Variants in WWC1 observed in about 807,000 individuals in gnomAD.
The protein encoded by WWC1 is WW and C2 domain containing 1, also known as protein KIBRA.
WWC1 carries 55 observed loss-of-function variants against 138.4 expected under a neutral mutation model. The ratio of observed to expected loss-of-function variants is 0.40; its 90% CI spans 0.32 to 0.50. The LOEUF (loss-of-function observed/expected upper bound fraction) is 0.50, where lower values mean the gene tolerates loss of function less well. Ranked by LOEUF, WWC1 falls within the 20% of genes least tolerant of loss-of-function variation. The probability of loss-of-function intolerance (pLI) is 0.72; values close to 1 mark genes in which losing one functional copy is unlikely to be tolerated. For synonymous variants in WWC1, 524 were observed against 564.9 expected, an observed-to-expected ratio of 0.93 and a Z score of 1.03; for missense variants, 1,226 against 1,420.4, an observed-to-expected ratio of 0.86 and a Z score of 2.20.
intron 15 of WWC1, among the ~76,000 whole-genome samples, chr5:168,434,715 GT>G (rs2152863856): frequency 6.6e-6 from 1 of 152,288 alleles, no homozygotes; most frequent in East Asian, 1.9e-4. Flanking sequence ...CAGATTACAG[GT>G]TTGGAGGAAT....
At chr5:168,462,954 C>T (rs752644582) in intron 20 of WWC1, among the ~76,000 whole-genome samples, 1 of 152,202 alleles carries the variant, frequency 6.6e-6, no homozygotes, top group Non-Finnish European at 1.5e-5. Context: ...CAGAGCAGAC[C>T]ATGTTCAACC....
At position 168,457,055 on chromosome 5, in the gene WWC1, T is replaced by G. The variant is rs999706891; in HGVS notation, c.2823+1535T>G. On this transcript the variant is annotated intron_variant, in intron 19 of 22. Transcript: ENST00000265293. Reference sequence around the variant, plus strand: ...CTATGCTTCCACTTCCCATATTTTATTATTTATACCGTTTCTAAGCCTGCA... The same window carrying G: ...CTATGCTTCCACTTCCCATATTTTAGTATTTATACCGTTTCTAAGCCTGCA... Among the ~76,000 whole-genome samples, 4 of 152,056 alleles carry G rather than the reference T, an allele frequency of 2.6e-5. No homozygotes were observed. In the East Asian group the frequency reaches 7.7e-4, roughly 29 times the overall value.
intron 15 of WWC1, 21 bp downstream of exon 15, chr5:168,431,465 G>GCTGT: frequency 3.2e-6 from 1 of 308,734 alleles, no homozygotes; most frequent in Non-Finnish European, 4.0e-6. Flanking sequence ...TGTCTGGCTG[G>GCTGT]CTGGCTGGCT....
intron 1 of WWC1, among the ~76,000 whole-genome samples, chr5:168,306,194 C>T (rs1392610830): frequency 4.6e-5 from 7 of 152,022 alleles, no homozygotes; most frequent in Non-Finnish European, 1.0e-4. Context: ...GTCAGGAGTT[C>T]GAGACCAGCC....
rs117990517 is a variant in WWC1, at chr5:168,327,569, C to T, written c.119+35298C>T. ...CTTGGATCAAATTTAGAACCAGCACCGGGGTGTTCCTCTGAGTGAGATTGT... is the reference window on the plus strand; with the variant it reads ...CTTGGATCAAATTTAGAACCAGCACTGGGGTGTTCCTCTGAGTGAGATTGT... On this transcript the variant is annotated intron_variant, in intron 1 of 22. Coordinates refer to ENST00000265293, the MANE Select transcript of WWC1 (RefSeq NM_015238.3). Among the ~76,000 whole-genome samples, 48 of 152,320 alleles carry T rather than the reference C, an allele frequency of 3.2e-4. No individual in the cohort carries two copies. In the East Asian group the frequency reaches 5.6e-3, roughly 18 times the overall value.
intron 17 of WWC1, among the ~76,000 whole-genome samples, chr5:168,452,734 T>A (rs1360701436): frequency 6.6e-6 from 1 of 151,874 alleles, no homozygotes; most frequent in Non-Finnish European, 1.5e-5. Context: ...AATCCAAATG[T>A]TCATCAACTA....
At chr5:168,315,175 CT>C (rs35333193) in intron 1 of WWC1, among the ~76,000 whole-genome samples, 58,048 of 146,878 alleles carry the variant, frequency 0.4, 11,484 homozygotes, top group East Asian at 0.47. Context: ...CCACAAATAA[CT>C]TTTTTTTTTT....
At chr5:168,399,639 C>G in intron 5 of WWC1, 72 bp downstream of exon 5, 2 of 1,432,460 alleles carry the variant, frequency 1.4e-6, no homozygotes, top group South Asian at 2.4e-5. Context: ...CTCTCTGTCT[C>G]TCTCTCCTTC....
chr5:168,433,881 C>T (rs886654790), intron 15 of WWC1, among the ~76,000 whole-genome samples: 1 of 152,204 alleles, frequency 6.6e-6, no homozygotes, highest in Non-Finnish European at 1.5e-5. Context: ...AAATAGGTAG[C>T]GTATTCCAGT....
intron 5 of WWC1, among the ~76,000 whole-genome samples, chr5:168,403,634 C>G (rs888995592): frequency 6.6e-6 from 1 of 152,130 alleles, no homozygotes; most frequent in African/African-American, 2.4e-5. Flanking sequence ...CTTGCCAGCT[C>G]CCTTGCAAAT....
At chr5:168,448,616 A>ATTTTTTTTTTTT (rs756135846) in intron 17 of WWC1, among the ~76,000 whole-genome samples, 1 of 117,616 alleles carries the variant, frequency 8.5e-6, no homozygotes. Context: ...CTCAAATAAG[A>ATTTTTTTTTTTT]TTTTTTTTTT....
chr5:168,434,689 C>T (rs1431737598), intron 15 of WWC1, among the ~76,000 whole-genome samples: 1 of 152,178 alleles, frequency 6.6e-6, no homozygotes, highest in African/African-American at 2.4e-5. Context: ...ATGAGTGTCT[C>T]TCATGTCCCC....
rs1769145374 is a variant in WWC1 at position 168,292,507 on chromosome 5, C to G, written c.119+236C>G. Reference sequence around the variant, plus strand: ...GGCCCAGGCTGCCCCACCGCCATCCCCAGTTGGAGGACTTAGGCCCCAGCC... The same window carrying G: ...GGCCCAGGCTGCCCCACCGCCATCCGCAGTTGGAGGACTTAGGCCCCAGCC... On this transcript the variant is annotated intron_variant, in intron 1 of 22. Transcript: ENST00000265293. This position sits in a 1 kb window ranked among gnomAD's most constrained non-coding sequence, Gnocchi z 4.4. Among the ~76,000 whole-genome samples the G allele has an allele frequency of 6.6e-6, 1 of 152,088 alleles. No homozygotes were observed. Among genetic ancestry groups the G allele is most frequent in the Non-Finnish European group, 1.5e-5 (1 of 68,006 alleles).
intron 8 of WWC1, among the ~76,000 whole-genome samples, chr5:168,410,739 A>G (rs1318209417): frequency 6.6e-6 from 1 of 151,918 alleles, no homozygotes; most frequent in African/African-American, 2.4e-5. Flanking sequence ...TTGTGCATGC[A>G]TCTTCTCATT....
At chr5:168,316,988 A>G (rs980894997) in intron 1 of WWC1, among the ~76,000 whole-genome samples, 4 of 152,182 alleles carry the variant, frequency 2.6e-5, no homozygotes, top group African/African-American at 7.2e-5. Flanking sequence ...GAGTAAAGTG[A>G]CAATATAGTT....
At chr5:168,378,033 C>A (rs900033781) in intron 2 of WWC1, among the ~76,000 whole-genome samples, 1 of 152,174 alleles carries the variant, frequency 6.6e-6, no homozygotes, top group African/African-American at 2.4e-5. Context: ...CCTTAGTGCC[C>A]ATCAGCAGTG....
At chr5:168,426,857 G>A (rs1279953760) in intron 11 of WWC1, among the ~76,000 whole-genome samples, 1 of 152,266 alleles carries the variant, frequency 6.6e-6, no homozygotes, top group African/African-American at 2.4e-5. Flanking sequence ...TCTGGATCTG[G>A]CCTTCCCCGC....
Position 168,310,415 on chromosome 5 carries a change from T to C in WWC1, c.119+18144T>C, listed in dbSNP as rs1255879325. ...TAAATTGTGTGTGTGTATATATATATATACACCCCATTTCTGTATCTCTGA... is the reference window on the plus strand; with the variant it reads ...TAAATTGTGTGTGTGTATATATATACATACACCCCATTTCTGTATCTCTGA... On this transcript the variant is annotated intron_variant, in intron 1 of 22. Transcript: ENST00000265293. Among the ~76,000 whole-genome samples, 7 of 151,392 alleles carry C rather than the reference T, an allele frequency of 4.6e-5. No individual in the cohort carries two copies. The East Asian group carries it at 1.4e-3, about 29-fold the overall frequency.
rs77579942 is a variant in WWC1 at position 168,369,182 on chromosome 5, G to A, written c.120-2242G>A. Reference sequence around the variant, plus strand: ...TCTCCTTCTGGTAAATGGAGGTAAGGATAACTAATGATTTTTGAGTGCCCA... The same window carrying A: ...TCTCCTTCTGGTAAATGGAGGTAAGAATAACTAATGATTTTTGAGTGCCCA... On this transcript the variant is annotated intron_variant, in intron 1 of 22. Coordinates refer to ENST00000265293, the MANE Select transcript of WWC1 (RefSeq NM_015238.3). Among the ~76,000 whole-genome samples, 1,220 of 152,250 alleles carry A rather than the reference G, an allele frequency of 8.0e-3. 11 individuals carry two copies. The highest frequency in any genetic ancestry group is 0.03 in the East Asian group (157 of 5,178).
Sources: allele counts gnomAD v4.1 joint callset (sites outside exome capture counted in the v4.1 genomes callset), GRCh38; gene constraint gnomAD v4.1.1; non-coding constraint Gnocchi (gnomAD v3.1); transcripts MANE v1.5; gene names NCBI Gene and HGNC (gene_info 2026-07-23, HGNC 2026-07-21).